NME9: variants seen among roughly 807,000 people sequenced by gnomAD.
The protein encoded by NME9 is thioredoxin domain-containing protein 6.
A neutral mutation model predicts 44.4 loss-of-function variants in NME9; 48 were observed. The observed-to-expected ratio is 1.08, with a 90% CI of 0.86 to 1.37. The LOEUF (loss-of-function observed/expected upper bound fraction) is 1.37, where lower values mean the gene tolerates loss of function less well. Ranked by LOEUF, NME9 falls within the 40% of genes most tolerant of loss-of-function variation. The pLI, the probability that NME9 is intolerant of heterozygous loss-of-function variation, is 0.00. For synonymous variants in NME9, 139 were observed against 147.1 expected (o/e 0.94, Z 0.40); for missense variants, 325 against 405.2 (o/e 0.80, Z 1.70).
intron 8 of NME9, among the ~76,000 whole-genome samples, chr3:138,265,345 A>G (rs1329115583): frequency 6.6e-6 from 1 of 152,214 alleles, no homozygotes; most frequent in Non-Finnish European, 1.5e-5. Flanking sequence ...ATCCCCTGAT[A>G]CACTACAAAA....
Position 138,329,704 on chromosome 3 carries a change from G to T in NME9, c.-369C>A. Reference sequence around the variant, plus strand: ...ACAGGGTCGCCAGTCGAGGAATTCTGACAAAAAAACGACATGGGACCCTGT... The same window carrying T: ...ACAGGGTCGCCAGTCGAGGAATTCTTACAAAAAAACGACATGGGACCCTGT... On this transcript the variant is annotated 5_prime_UTR_variant, in exon 1 of 11. Transcript: ENST00000333911. 2 of 1,089,952 alleles carry T rather than the reference G, an allele frequency of 1.8e-6. No individual in the cohort carries two copies. The highest frequency in any genetic ancestry group is 7.0e-5 in the East Asian group (1 of 14,354). The allele number at this position is 1,089,952 out of a possible 1,614,324, so 67.5% of individuals were successfully genotyped here.
intron 10 of NME9, among the ~76,000 whole-genome samples, chr3:138,302,351 C>T (rs1466202206): frequency 1.3e-5 from 2 of 152,224 alleles, no homozygotes; most frequent in African/African-American, 4.8e-5. Context: ...GCACTCCCAA[C>T]AGCCCAGTGA....
intron 8 of NME9, among the ~76,000 whole-genome samples, chr3:138,294,574 CTG>C (rs918693667): frequency 2.4e-4 from 37 of 152,298 alleles, no homozygotes; most frequent in Admixed American, 2.2e-3. Flanking sequence ...ACTTAAAAAA[CTG>C]TTGTGTCCAT....
intron 8 of NME9, among the ~76,000 whole-genome samples, chr3:138,265,690 T>C (rs961159756): frequency 6.6e-6 from 1 of 152,142 alleles, no homozygotes; most frequent in Non-Finnish European, 1.5e-5. Context: ...ATGGTATGTG[T>C]AGGGAACGGC....
chr3:138,271,947 C>G (rs1049790233), intron 8 of NME9, among the ~76,000 whole-genome samples: 1 of 151,840 alleles, frequency 6.6e-6, no homozygotes, highest in African/African-American at 2.4e-5. Flanking sequence ...AGGCGTGTGC[C>G]ACCACACCTG....
intron 9 of NME9, among the ~76,000 whole-genome samples, 159 bp downstream of exon 9, chr3:138,304,714 C>T (rs747105943): frequency 2.0e-5 from 3 of 152,160 alleles, no homozygotes; most frequent in Non-Finnish European, 4.4e-5. Flanking sequence ...TGGAACAGAG[C>T]GGGAAGATGT....
rs904901164 is a variant in NME9 at position 138,267,062 on chromosome 3, A to G, written c.746-4476T>C. 4 of 708,860 alleles carry G rather than the reference A, an allele frequency of 5.6e-6. No homozygotes were observed. In the South Asian group the frequency reaches 9.2e-5, roughly 16 times the overall value. 43.9% of individuals were successfully genotyped at this position (708,860 alleles called of 1,614,324 possible). A position where few individuals can be genotyped will look rare whatever the true frequency, so the allele number is the denominator to read the frequency against. ...ATACGAAGAATCAGGTTGAAAGATA[A>G]TTGTTCTTGTTTTTATTTATATTTT... On this transcript the variant is annotated intron_variant, in intron 8 of 8. Coordinates refer to the NME9 transcript ENST00000317876.
chr3:138,277,025 TATA>T (rs1382445029), intron 8 of NME9, among the ~76,000 whole-genome samples: 1 of 152,068 alleles, frequency 6.6e-6, no homozygotes, highest in African/African-American at 2.4e-5. Context: ...AAGACTTAAT[TATA>T]AAAGTACAGT....
chr3:138,264,412 CTTTTTTTTTTTTTT>C (rs11298899), intron 8 of NME9, among the ~76,000 whole-genome samples: 4 of 48,646 alleles, frequency 8.2e-5, no homozygotes, highest in African/African-American at 3.1e-4. Context: ...GATTTTCTTT[CTTTTTTTTTTTTTT>C]TTTTTTTTTT....
Position 138,303,628 on chromosome 3 carries a change from G to C in NME9, c.807C>G (p.Tyr269Ter). 6.2e-7 allele frequency: 1 copy of C among 1,608,256 alleles called. No homozygotes were observed. Among genetic ancestry groups the C allele is most frequent in the Non-Finnish European group, 8.5e-7 (1 of 1,175,264 alleles). The change falls in exon 10 of 11, where the codon TAC becomes TAG. Residue 269 changes from tyrosine (Y) to a stop codon, truncating the protein, a stop_gained. Coordinates refer to ENST00000333911, the MANE Select transcript of NME9 (RefSeq NM_001349018.2). LOFTEE classifies it high-confidence loss of function. ...CGGCATTGAAGGGCATTTCTGTGCCGTACTGAGCTCGGAGACTGGGAACAT... is the reference window on the plus strand; with the variant it reads ...CGGCATTGAAGGGCATTTCTGTGCCCTACTGAGCTCGGAGACTGGGAACAT... The part of the protein sequence containing the change: ...REQPESLRAQ[Y>*]GTEMPFNAVH...
rs141791841 is a variant in NME9, at chr3:138,301,612, C to G, written c.*28G>C. 1 of 1,535,784 alleles carries G rather than the reference C, an allele frequency of 6.5e-7. No individual in the cohort carries two copies. The highest frequency in any genetic ancestry group is 1.2e-5 in the South Asian group (1 of 84,050). ...GTTTTGTGCAGTAGACCCCTGGTCA[C>G]GTGCTCTGGAAGAGCAGCACAGCCA... On this transcript the variant is annotated 3_prime_UTR_variant, in exon 11 of 11. Coordinates refer to ENST00000333911, the MANE Select transcript of NME9 (RefSeq NM_001349018.2).
rs1576856219 is a variant in NME9, at chr3:138,265,370, T to C, written c.746-2784A>G. ...ACACTACAAAACTTGGTCTTTGGTC[T>C]ATCATTTTTTTTCTTAAGTGATCAT... On this transcript the variant is annotated intron_variant, in intron 8 of 8. Coordinates refer to the NME9 transcript ENST00000317876. 2.6e-5 allele frequency among the ~76,000 whole-genome samples: 4 copies of C among 152,352 alleles called. No homozygotes were observed. The South Asian group carries it at 8.3e-4, about 32-fold the overall frequency.
At chr3:138,281,176 C>G (rs2049874985) in intron 8 of NME9, among the ~76,000 whole-genome samples, 1 of 152,042 alleles carries the variant, frequency 6.6e-6, no homozygotes, top group Non-Finnish European at 1.5e-5. Flanking sequence ...TCCAGTTGTT[C>G]ATATTAGTAT....
intron 2 of NME9, among the ~76,000 whole-genome samples, 190 bp from the exon 3 acceptor site, chr3:138,319,771 T>G (rs1299760938): frequency 6.6e-6 from 1 of 152,248 alleles, no homozygotes; most frequent in Non-Finnish European, 1.5e-5. Context: ...CTCATTCTTA[T>G]GAACTTGGTA....
chr3:138,280,194 G>A (rs1479218767), intron 8 of NME9, among the ~76,000 whole-genome samples: 2 of 152,138 alleles, frequency 1.3e-5, no homozygotes, highest in Non-Finnish European at 2.9e-5. Context: ...ATGAGCCACT[G>A]TGCCTGGCTG....
chr3:138,275,643 G>C (rs1473843639), intron 8 of NME9, among the ~76,000 whole-genome samples: 1 of 152,128 alleles, frequency 6.6e-6, no homozygotes, highest in Non-Finnish European at 1.5e-5. Flanking sequence ...TAGAGAGTTG[G>C]ACCCAGAGAG....
At chr3:138,321,953 C>G (rs2053490089) in intron 2 of NME9, among the ~76,000 whole-genome samples, 1 of 151,494 alleles carries the variant, frequency 6.6e-6, no homozygotes. Context: ...ACAAAGGCAA[C>G]CAGACATCCA....
chr3:138,310,373 A>G (rs1311667220), intron 6 of NME9, among the ~76,000 whole-genome samples: 1 of 151,446 alleles, frequency 6.6e-6, no homozygotes, highest in African/African-American at 2.4e-5. Flanking sequence ...TCATTCAGGC[A>G]GAAGACAAAC....
chr3:138,284,642 C>G (rs1394335201), intron 8 of NME9: 1 of 745,190 alleles, frequency 1.3e-6, no homozygotes, highest in East Asian at 2.5e-5. Context: ...TACTCTGTGA[C>G]TCCTCAGATT....
Sources: allele counts gnomAD v4.1 joint callset (sites outside exome capture counted in the v4.1 genomes callset), GRCh38; gene constraint gnomAD v4.1.1; transcripts MANE v1.5; gene names NCBI Gene and HGNC (gene_info 2026-07-23, HGNC 2026-07-21).